TSPAN12: variants seen among roughly 807,000 people sequenced by gnomAD.
TSPAN12 encodes tetraspanin 12, also known as tetraspanin-12.
In TSPAN12, 19 loss-of-function variants were observed where a neutral mutation model predicts 39.2. That is an observed-to-expected ratio of 0.49 (90% CI 0.34 to 0.71). The LOEUF (loss-of-function observed/expected upper bound fraction) is 0.71. TSPAN12 is among the 30% of genes least tolerant of loss of function. The pLI is 0.01. For missense variants in TSPAN12, 314 were observed against 359.9 expected, an observed-to-expected ratio of 0.87 and a Z score of 1.03; for synonymous variants, 119 against 124.8, an observed-to-expected ratio of 0.95 and a Z score of 0.31.
At chr7:120,841,403 T>C (rs914569103) in intron 2 of TSPAN12, among the ~76,000 whole-genome samples, 6 of 151,770 alleles carry the variant, frequency 4.0e-5, no homozygotes, top group African/African-American at 1.5e-4. Flanking sequence ...CTTTCTTGAA[T>C]TGAAAAAAAA....
intron 4 of TSPAN12, among the ~76,000 whole-genome samples, chr7:120,823,052 C>CAT (rs1192692425): frequency 6.6e-6 from 1 of 152,066 alleles, no homozygotes; most frequent in Non-Finnish European, 1.5e-5. Flanking sequence ...CATTTCCAGG[C>CAT]ATATAGGCTT....
chr7:120,800,857 G>C (rs1793756438), intron 7 of TSPAN12, among the ~76,000 whole-genome samples: 1 of 142,974 alleles, frequency 7.0e-6, no homozygotes, highest in African/African-American at 2.7e-5. Flanking sequence ...CACCTCCCAG[G>C]TTTAAGTGAT....
At chr7:120,837,833 TC>T (rs1349144317) in intron 4 of TSPAN12, among the ~76,000 whole-genome samples, 3 of 152,184 alleles carry the variant, frequency 2.0e-5, no homozygotes, top group African/African-American at 7.2e-5. Flanking sequence ...TACTCATCTG[TC>T]CCCAGTTCCA....
chr7:120,831,840 G>A (rs553019986), intron 4 of TSPAN12, among the ~76,000 whole-genome samples: 4 of 152,106 alleles, frequency 2.6e-5, no homozygotes, highest in African/African-American at 9.6e-5. Context: ...CAAAAAATAA[G>A]TGGATGCAGT....
intron 2 of TSPAN12, among the ~76,000 whole-genome samples, chr7:120,856,419 G>A (rs1192979939): frequency 6.6e-6 from 1 of 152,180 alleles, no homozygotes; most frequent in Non-Finnish European, 1.5e-5. Flanking sequence ...TTATCTATGA[G>A]TAGAAGCACG....
At chr7:120,793,240 A>G (rs1200652992) in intron 7 of TSPAN12, among the ~76,000 whole-genome samples, 1 of 152,226 alleles carries the variant, frequency 6.6e-6, no homozygotes, top group Admixed American at 6.5e-5. Context: ...AATGACATTG[A>G]TTTGTAACTT....
intron 2 of TSPAN12, among the ~76,000 whole-genome samples, chr7:120,843,165 C>T (rs1197388019): frequency 6.6e-6 from 1 of 152,104 alleles, no homozygotes; most frequent in Non-Finnish European, 1.5e-5. Context: ...TATTATTATT[C>T]TCATGTCTGT....
chr7:120,815,959 A>G (rs1337541833), intron 4 of TSPAN12, among the ~76,000 whole-genome samples, 156 bp from the exon 5 acceptor site: 1 of 152,196 alleles, frequency 6.6e-6, no homozygotes, highest in African/African-American at 2.4e-5. Flanking sequence ...CAGCAAATTT[A>G]GAAATATCTG....
intron 2 of TSPAN12, among the ~76,000 whole-genome samples, chr7:120,843,804 G>A (rs114976171): frequency 0.019 from 2,943 of 152,266 alleles, 95 homozygotes; most frequent in African/African-American, 0.066. Flanking sequence ...GAAGACTGTT[G>A]GCTCTTTGAT....
chr7:120,851,165 C>T (rs1370927556), intron 2 of TSPAN12, among the ~76,000 whole-genome samples: 3 of 152,120 alleles, frequency 2.0e-5, no homozygotes, highest in East Asian at 3.9e-4. Flanking sequence ...AATGTCCTTC[C>T]TGTGAATTCA....
chr7:120,798,111 G>C (rs1370271598), intron 7 of TSPAN12, among the ~76,000 whole-genome samples: 1 of 152,110 alleles, frequency 6.6e-6, no homozygotes, highest in African/African-American at 2.4e-5. Context: ...ACAGAATAGA[G>C]AACAGGAAAC....
intron 7 of TSPAN12, among the ~76,000 whole-genome samples, chr7:120,791,773 T>C (rs1051336842): frequency 2.0e-5 from 3 of 152,184 alleles, no homozygotes; most frequent in Non-Finnish European, 4.4e-5. Flanking sequence ...TTTAAAATGG[T>C]ACAGTAAATT....
In TSPAN12 at chr7:120,836,277, T is replaced by C. The variant is rs1221075733; in HGVS notation, c.285+2500A>G. Among the ~76,000 whole-genome samples, 3 of 152,160 alleles carry C rather than the reference T, an allele frequency of 2.0e-5. No individual in the cohort carries two copies. In the East Asian group the frequency reaches 5.8e-4, roughly 29 times the overall value. The stretch of plus-strand genomic sequence containing the variant: ...GTAGTTGAGACCACAGATCATTCTT[T>C]AGCAAGAAGGAAGCTGTGTTAGGTC... On this transcript the variant is annotated intron_variant, in intron 4 of 7. Coordinates refer to ENST00000222747, the MANE Select transcript of TSPAN12 (RefSeq NM_012338.4).
intron 4 of TSPAN12, among the ~76,000 whole-genome samples, chr7:120,829,497 T>A (rs919607152): frequency 2.6e-5 from 4 of 152,174 alleles, no homozygotes; most frequent in South Asian, 2.1e-4. Flanking sequence ...GTTTTAACTC[T>A]CTTTACATTT....
At chr7:120,814,389 G>A in intron 5 of TSPAN12, 1 of 406,216 alleles carries the variant, frequency 2.5e-6, no homozygotes, top group Non-Finnish European at 4.9e-6. Flanking sequence ...CATTCTGATT[G>A]AGCACATCTG....
chr7:120,817,248 G>A (rs771023701), intron 4 of TSPAN12, among the ~76,000 whole-genome samples: 2 of 151,940 alleles, frequency 1.3e-5, no homozygotes, highest in Non-Finnish European at 2.9e-5. Flanking sequence ...AATTAGCCAG[G>A]CATGGTGGTA....
At chr7:120,812,892 A>C (rs1794008782) in intron 5 of TSPAN12, among the ~76,000 whole-genome samples, 1 of 152,246 alleles carries the variant, frequency 6.6e-6, no homozygotes, top group Non-Finnish European at 1.5e-5. Context: ...GTACAAAAAA[A>C]ACCAGAAATA....
intron 7 of TSPAN12, among the ~76,000 whole-genome samples, chr7:120,794,173 T>C (rs1436249905): frequency 3.3e-5 from 5 of 152,212 alleles, no homozygotes; most frequent in Admixed American, 3.3e-4. Context: ...TTTAATAAAT[T>C]CAATTTTAAA....
Position 120,857,025 on chromosome 7 carries a change from G to A in TSPAN12, c.-70-192C>T. ...CTAAACTCCCAAAAGTTCCAAACCG[G>A]CTTCAGATAACACCTGCTGGGAAAA... On this transcript the variant is annotated intron_variant, in intron 1 of 7. Transcript: ENST00000222747. 2.5e-5 allele frequency: 14 copies of A among 560,612 alleles called. No individual in the cohort carries two copies. In the South Asian group the frequency reaches 2.6e-4, roughly 10 times the overall value. The allele number at this position is 560,612 out of a possible 1,614,324, so 34.7% of individuals were successfully genotyped here.
Sources: gnomAD v4.1 joint callset for allele counts (sites outside exome capture counted in the v4.1 genomes callset) on GRCh38, gnomAD v4.1.1 for gene constraint, MANE v1.5 for transcripts, NCBI Gene and HGNC (gene_info 2026-07-23, HGNC 2026-07-21) for gene names.